Variants in TRHDE observed in about 807,000 individuals in gnomAD.
TRHDE encodes the protein thyrotropin-releasing hormone-degrading ectoenzyme.
Under a neutral mutation model 125.7 loss-of-function variants are expected in TRHDE, and 72 were observed. That is an observed-to-expected ratio of 0.57 (90% CI 0.47 to 0.70). TRHDE has a LOEUF of 0.70. Ranked by LOEUF, TRHDE falls within the 30% of genes least tolerant of loss-of-function variation. The probability of loss-of-function intolerance (pLI) is 0.00; values close to 1 mark genes in which losing one functional copy is unlikely to be tolerated. For synonymous variants in TRHDE, 509 were observed against 509.1 expected (o/e 1.00, Z 0.00); for missense variants, 1,110 against 1,327.1 (o/e 0.84, Z 2.54).
intron 15 of TRHDE, among the ~76,000 whole-genome samples, chr12:72,635,154 C>G (rs1873679614): frequency 6.6e-6 from 1 of 151,504 alleles, no homozygotes; most frequent in Non-Finnish European, 1.5e-5. Context: ...CACATCCTCT[C>G]CAGCACCTGT....
intron 12 of TRHDE, among the ~76,000 whole-genome samples, chr12:72,604,759 G>A (rs1162847981): frequency 6.6e-6 from 1 of 151,890 alleles, no homozygotes; most frequent in African/African-American, 2.4e-5. Context: ...TTCAACTTTA[G>A]AAAATTACTT....
At chr12:72,195,364 C>T (rs916932588) in intron 2 of TRHDE, among the ~76,000 whole-genome samples, 8 of 152,130 alleles carry the variant, frequency 5.3e-5, no homozygotes, top group Non-Finnish European at 1.0e-4. Context: ...TACATTCCCA[C>T]CAGCAGTGAG....
intron 3 of TRHDE, among the ~76,000 whole-genome samples, chr12:72,432,674 GGGA>G (rs1456797825): frequency 4.6e-5 from 7 of 152,266 alleles, no homozygotes; most frequent in East Asian, 1.9e-4. Flanking sequence ...AGAAGCGATT[GGGA>G]GGAGAAGAAG....
chr12:72,268,167 A>G (rs1442283081), upstream of TRHDE, among the ~76,000 whole-genome samples: 1 of 152,052 alleles, frequency 6.6e-6, no homozygotes. Context: ...TTCTTTTTTC[A>G]TATTGGTCTC....
chr12:72,656,938 C>T lies in TRHDE; in HGVS notation c.2996C>T (p.Ala999Val). ...WKILNTRYGE[A>V]LFMNSKLISG... ...TTTTTTCTTTTGAGGTATGGAGAAG[C>T]ATTGTTTATGAATTCCAAACTCATC... The change falls in exon 18 of 19, where the codon GCA becomes GTA. Residue 999 changes from alanine to valine, a missense_variant. Ala to Val is a moderately conservative substitution (Grantham distance 64). Around this residue, in one of 5 missense-constraint regions of TRHDE, gnomAD observed 527 missense variants for 651.8 expected, o/e 0.81. Coordinates refer to ENST00000261180, the MANE Select transcript of TRHDE (RefSeq NM_013381.3). 1.2e-6 allele frequency: 2 copies of T among 1,607,818 alleles called. No individual in the cohort carries two copies. The highest frequency in any genetic ancestry group is 1.7e-6 in the Non-Finnish European group (2 of 1,175,686).
chr12:72,323,015 C>T (rs1869169489), intron 2 of TRHDE, among the ~76,000 whole-genome samples: 1 of 151,926 alleles, frequency 6.6e-6, no homozygotes, highest in Non-Finnish European at 1.5e-5. Flanking sequence ...ACAAGTAGAG[C>T]GAAGATTTCC....
intron 3 of TRHDE, among the ~76,000 whole-genome samples, chr12:72,382,843 A>G (rs1242003151): frequency 6.6e-6 from 1 of 152,038 alleles, no homozygotes; most frequent in Non-Finnish European, 1.5e-5. Context: ...TTTATTTCTG[A>G]TGTGGAATTA....
intron 10 of TRHDE, among the ~76,000 whole-genome samples, chr12:72,575,041 A>C (rs189106629): frequency 6.6e-6 from 1 of 152,142 alleles, no homozygotes; most frequent in Non-Finnish European, 1.5e-5. Context: ...TAATTATAAG[A>C]AAACAATTAA....
rs184462332 is a variant in TRHDE, at chr12:72,481,103, T to A, written c.1584+7923T>A. Reference sequence around the variant, plus strand: ...GACTCAGAGGGCAACCAAAGAAAAATTCATTAATTTTCTAATTATTAATCA... The same window carrying A: ...GACTCAGAGGGCAACCAAAGAAAAAATCATTAATTTTCTAATTATTAATCA... On this transcript the variant is annotated intron_variant, in intron 5 of 18. Coordinates refer to ENST00000261180, the MANE Select transcript of TRHDE (RefSeq NM_013381.3). Among the ~76,000 whole-genome samples the A allele has an allele frequency of 4.9e-3, 751 of 151,950 alleles. 8 individuals are homozygous for A. The highest frequency in any genetic ancestry group is 0.017 in the African/African-American group (700 of 41,498).
intron 3 of TRHDE, among the ~76,000 whole-genome samples, chr12:72,441,051 G>T (rs1245433883): frequency 6.6e-6 from 1 of 151,568 alleles, no homozygotes; most frequent in Non-Finnish European, 1.5e-5. Context: ...AAATTAAGGG[G>T]AATCAAAATA....
intron 2 of TRHDE, among the ~76,000 whole-genome samples, chr12:72,142,385 G>C (rs1032781143): frequency 1.3e-5 from 2 of 152,024 alleles, no homozygotes; most frequent in Non-Finnish European, 2.9e-5. Flanking sequence ...TTGGCTTTAT[G>C]CCTCTCAGTT....
intron 2 of TRHDE, among the ~76,000 whole-genome samples, chr12:72,328,255 G>A (rs1029833054): frequency 1.3e-5 from 2 of 152,096 alleles, no homozygotes; most frequent in African/African-American, 4.8e-5. Flanking sequence ...GGTGGGCTAG[G>A]CATTCAAGGA....
At chr12:72,550,464 G>A (rs1323015755) in intron 7 of TRHDE, among the ~76,000 whole-genome samples, 2 of 151,732 alleles carry the variant, frequency 1.3e-5, no homozygotes, top group African/African-American at 4.8e-5. Context: ...TTTTTGGAAA[G>A]TGCATGTAAT....
chr12:72,197,780 G>A (rs777061084), intron 2 of TRHDE, among the ~76,000 whole-genome samples: 16 of 151,852 alleles, frequency 1.1e-4, no homozygotes, highest in East Asian at 1.9e-4. Context: ...TACACTTTAG[G>A]TATGGGATTA....
At chr12:72,411,580 T>C (rs951382125) in intron 3 of TRHDE, among the ~76,000 whole-genome samples, 4 of 152,166 alleles carry the variant, frequency 2.6e-5, no homozygotes, top group Non-Finnish European at 5.9e-5. Flanking sequence ...AATTGATTTC[T>C]ATATATTTAA....
chr12:72,143,547 A>G (rs776720810), intron 2 of TRHDE, among the ~76,000 whole-genome samples: 1 of 152,022 alleles, frequency 6.6e-6, no homozygotes, highest in African/African-American at 2.4e-5. Context: ...GAGTAGCAGG[A>G]GCAGATTATG....
chr12:72,257,393 A>C (rs903312414), intron 2 of TRHDE: 5 of 152,218 alleles, frequency 3.3e-5, no homozygotes, highest in African/African-American at 1.2e-4. Context: ...TAAAACATAA[A>C]TGAATTTTGT....
chr12:72,587,608 T>TA (rs956377819), intron 12 of TRHDE, among the ~76,000 whole-genome samples: 15 of 152,096 alleles, frequency 9.9e-5, no homozygotes, highest in African/African-American at 3.6e-4. Flanking sequence ...GGTGTCATAT[T>TA]AAAAAAATTA....
chr12:72,235,091 A>T (rs1215561002), intron 2 of TRHDE, among the ~76,000 whole-genome samples: 1 of 152,172 alleles, frequency 6.6e-6, no homozygotes, highest in Non-Finnish European at 1.5e-5. Context: ...AGTCTTCAAC[A>T]TATGGAACTC....
Sources: gnomAD v4.1 joint callset for allele counts (sites outside exome capture counted in the v4.1 genomes callset) on GRCh38, gnomAD v4.1.1 for gene constraint, gnomAD v4.1.1 regional missense constraint, MANE v1.5 for transcripts, NCBI Gene and HGNC (gene_info 2026-07-23, HGNC 2026-07-21) for gene names.